The following RIMBP2 variants were observed in gnomAD, a reference collection of about 807,000 sequenced individuals.
RIMBP2 encodes RIMS binding protein 2, also known as RIMS-binding protein 2.
A neutral mutation model predicts 118.6 loss-of-function variants in RIMBP2; 48 were observed. The ratio of observed to expected loss-of-function variants is 0.40; its 90% CI spans 0.32 to 0.51. RIMBP2 has a LOEUF of 0.51. Ranked by LOEUF, RIMBP2 falls within the 20% of genes least tolerant of loss-of-function variation. The pLI, the probability that RIMBP2 is intolerant of heterozygous loss-of-function variation, is 0.41. For missense variants in RIMBP2, 1,551 were observed against 1,768.3 expected (o/e 0.88, Z 2.20); for synonymous variants, 762 against 742.9 (o/e 1.03, Z -0.42).
At chr12:130,538,528 G>A (rs61934583) in intron 2 of RIMBP2, among the ~76,000 whole-genome samples, 11,259 of 152,074 alleles carry the variant, frequency 0.074, 540 homozygotes, top group South Asian at 0.16. Flanking sequence ...GCATACAAAT[G>A]GCCCTGCATT....
At chr12:130,459,855 G>A (rs2079819771) in intron 6 of RIMBP2, among the ~76,000 whole-genome samples, 1 of 152,194 alleles carries the variant, frequency 6.6e-6, no homozygotes, top group Non-Finnish European at 1.5e-5. Context: ...GGGCCTGGCA[G>A]GGCCACTCCC....
intron 1 of RIMBP2, among the ~76,000 whole-genome samples, chr12:130,664,415 A>ACACGCACG (rs1555320883): frequency 6.1e-5 from 8 of 130,588 alleles, no homozygotes; most frequent in South Asian, 5.3e-4. Flanking sequence ...ACGCACGCAC[A>ACACGCACG]CACACGCACA....
chr12:130,552,623 G>A (rs1049885709), intron 2 of RIMBP2, among the ~76,000 whole-genome samples: 1 of 152,180 alleles, frequency 6.6e-6, no homozygotes, highest in Non-Finnish European at 1.5e-5. Context: ...ATGCAGCAAG[G>A]TCATGTTTTC....
intron 13 of RIMBP2, among the ~76,000 whole-genome samples, chr12:130,436,213 G>A (rs1204154769): frequency 6.6e-6 from 1 of 152,186 alleles, no homozygotes; most frequent in African/African-American, 2.4e-5. Flanking sequence ...CCCGTTGTGT[G>A]TATCATCCGG....
Position 130,646,332 on chromosome 12 carries a change from TCACCAC to T in RIMBP2, c.-351-17882_-351-17877del, listed in dbSNP as rs2062949412. ...CTCACCACTTCCCTCTCCACCTGCC[TCACCAC>T]CTCCCTCACCACCTCCCTCACCACC... On this transcript the variant is annotated intron_variant, in intron 1 of 22. Transcript: ENST00000690449. Among the ~76,000 whole-genome samples the T allele has an allele frequency of 6.6e-5, 8 of 121,842 alleles. 3 individuals carry two copies. The highest frequency in any genetic ancestry group is 1.1e-4 in the Non-Finnish European group (6 of 56,084). 79.9% of individuals were successfully genotyped at this position (121,842 alleles called of 152,430 possible). A position where few individuals can be genotyped will look rare whatever the true frequency, so the allele number is the denominator to read the frequency against.
intron 2 of RIMBP2, among the ~76,000 whole-genome samples, chr12:130,518,358 C>T (rs1284040706): frequency 6.6e-6 from 1 of 152,146 alleles, no homozygotes; most frequent in Non-Finnish European, 1.5e-5. Flanking sequence ...AATGGCTAGA[C>T]CACAATGTGG....
intron 1 of RIMBP2, among the ~76,000 whole-genome samples, chr12:130,695,746 T>G (rs565685901): frequency 6.6e-6 from 1 of 152,100 alleles, no homozygotes. Flanking sequence ...AGGCAGAGGC[T>G]AGGATGGCTG....
At chr12:130,465,174 G>A (rs1327534777) in intron 6 of RIMBP2, 1 of 152,234 alleles carries the variant, frequency 6.6e-6, no homozygotes, top group Non-Finnish European at 1.5e-5. Flanking sequence ...GCCTGCCTGG[G>A]AAGCAAGCAC....
At chr12:130,400,047 G>A (rs1039692440) in intron 21 of RIMBP2, among the ~76,000 whole-genome samples, 5 of 152,276 alleles carry the variant, frequency 3.3e-5, no homozygotes, top group Middle Eastern at 3.4e-3. Context: ...GAGGAGCTGA[G>A]GAATCTGCCT....
At chr12:130,610,778 T>C (rs1033324514) in intron 2 of RIMBP2, among the ~76,000 whole-genome samples, 17 of 151,954 alleles carry the variant, frequency 1.1e-4, no homozygotes, top group African/African-American at 4.1e-4. Context: ...GCCAGGATGG[T>C]CTCGATCTCC....
At chr12:130,410,161 C>T (rs1243068232) in intron 19 of RIMBP2, among the ~76,000 whole-genome samples, 2 of 152,202 alleles carry the variant, frequency 1.3e-5, no homozygotes, top group Non-Finnish European at 2.9e-5. Context: ...TTTTCATGTG[C>T]TTATTTGCCA....
intron 1 of RIMBP2, among the ~76,000 whole-genome samples, chr12:130,678,294 A>T (rs1018507200): frequency 6.6e-6 from 1 of 152,180 alleles, no homozygotes; most frequent in Non-Finnish European, 1.5e-5. Flanking sequence ...GCCCTGGCAC[A>T]CGTGTTCAGC....
In RIMBP2 at chr12:130,400,457, C is replaced by T. The variant is rs186627017; in HGVS notation, c.3766-644G>A. ...TACATATCTATGCCTTGTCTAAAGT[C>T]GAGATCCATGAGTCCATCTGCCTGC... On this transcript the variant is annotated intron_variant, in intron 21 of 22. Coordinates refer to ENST00000690449, the MANE Select transcript of RIMBP2 (RefSeq NM_001393629.1). 3.9e-5 allele frequency among the ~76,000 whole-genome samples: 6 copies of T among 152,302 alleles called. No homozygotes were observed. In the East Asian group the frequency reaches 7.7e-4, roughly 20 times the overall value.
At position 130,442,349 on chromosome 12, in the gene RIMBP2, C is replaced by T; in HGVS notation, c.1003G>A (p.Glu335Lys). 6.2e-7 allele frequency: 1 copy of T among 1,614,204 alleles called. No homozygotes were observed. The highest frequency in any genetic ancestry group is 8.5e-7 in the Non-Finnish European group (1 of 1,180,044). ...CATCCTGGTGGCACCGCCGGGGGCTCCCAGCCCACAATAACACTTTTGGCG... is the reference window on the plus strand; with the variant it reads ...CATCCTGGTGGCACCGCCGGGGGCTTCCAGCCCACAATAACACTTTTGGCG... ...QLAKSVIVGW[E>K]PPAVPPGWGT... is the part of the protein sequence containing the mutation. The change falls in exon 11 of 23, where the codon GAG (glutamate) becomes AAG (lysine). Residue 335 changes from glutamate (E) to lysine (K), a missense_variant. Glu to Lys is a moderately conservative substitution (Grantham distance 56, BLOSUM62 1). This residue lies in a region of RIMBP2 where 265 missense variants were observed against 349.5 expected (regional missense o/e 0.76). Coordinates refer to ENST00000690449, the MANE Select transcript of RIMBP2 (RefSeq NM_001393629.1). The surrounding 1 kb of genome is among the most constrained non-coding windows in gnomAD (Gnocchi z 6.9).
chr12:130,595,458 G>A (rs1211317195), intron 2 of RIMBP2, among the ~76,000 whole-genome samples: 2 of 152,092 alleles, frequency 1.3e-5, no homozygotes, highest in African/African-American at 2.4e-5. Context: ...CTCAGGACAG[G>A]AGAATGGCGT....
At chr12:130,660,012 TCTC>T (rs2063587505) in intron 1 of RIMBP2, 1 of 148,262 alleles carries the variant, frequency 6.7e-6, no homozygotes, top group Non-Finnish European at 1.5e-5. Context: ...TATTTTACAT[TCTC>T]TTTTCTTTTC....
At chr12:130,527,993 G>C (rs921208133) in intron 2 of RIMBP2, among the ~76,000 whole-genome samples, 2 of 152,192 alleles carry the variant, frequency 1.3e-5, no homozygotes, top group African/African-American at 4.8e-5. Context: ...TTACACTGTT[G>C]ATGGGGATGT....
At chr12:130,488,505 A>G (rs939471414) in intron 4 of RIMBP2, among the ~76,000 whole-genome samples, 1 of 152,148 alleles carries the variant, frequency 6.6e-6, no homozygotes, top group African/African-American at 2.4e-5. Flanking sequence ...TCACAAACAC[A>G]CGGACATGCT....
chr12:130,482,851 C>A (rs977550534), intron 4 of RIMBP2, among the ~76,000 whole-genome samples: 2,900 of 129,734 alleles, frequency 0.022, 81 homozygotes, highest in African/African-American at 0.087. Context: ...GGGCAGACCT[C>A]ATCCAAATAC....
Sources: allele counts gnomAD v4.1 joint callset (sites outside exome capture counted in the v4.1 genomes callset), GRCh38; gene constraint gnomAD v4.1.1; regional missense constraint gnomAD v4.1.1; non-coding constraint Gnocchi (gnomAD v3.1); transcripts MANE v1.5; gene names NCBI Gene and HGNC (gene_info 2026-07-23, HGNC 2026-07-21).